Variants in NBAS observed in about 807,000 individuals in gnomAD.
NBAS encodes NBAS subunit of NRZ tethering complex.
NBAS carries 219 observed loss-of-function variants against 302.5 expected under a neutral mutation model. That is an observed-to-expected ratio of 0.72 (90% confidence interval 0.65 to 0.81). The LOEUF (loss-of-function observed/expected upper bound fraction) is 0.81. NBAS is among the 30% of genes least tolerant of loss of function. The pLI, the probability that NBAS is intolerant of heterozygous loss-of-function variation, is 0.00. For synonymous variants in NBAS, 1,118 were observed against 1,021.6 expected (o/e 1.09, Z -1.80); for missense variants, 2,932 against 2,841.6 (o/e 1.03, Z -0.72).
At chr2:15,385,111 T>A (rs1320991135) in intron 28 of NBAS, among the ~76,000 whole-genome samples, 1 of 152,242 alleles carries the variant, frequency 6.6e-6, no homozygotes, top group Non-Finnish European at 1.5e-5. Context: ...CAATTAGGCA[T>A]AAGAGAACAC....
chr2:15,440,254 G>T (rs1287548318), intron 21 of NBAS, among the ~76,000 whole-genome samples: 1 of 152,204 alleles, frequency 6.6e-6, no homozygotes, highest in East Asian at 1.9e-4. Flanking sequence ...CTGGGAGACA[G>T]CCCCCAGTAG....
At chr2:15,239,399 GTGTA>G (rs749891909) in intron 44 of NBAS, among the ~76,000 whole-genome samples, 4,931 of 133,968 alleles carry the variant, frequency 0.037, 134 homozygotes, top group East Asian at 0.13. Flanking sequence ...GTGTGTGTGT[GTGTA>G]TATATATATA....
At chr2:14,819,556 G>A in the NBAS span, among the ~76,000 whole-genome samples, 1 of 152,226 alleles carries the variant, frequency 6.6e-6, no homozygotes, top group Non-Finnish European at 1.5e-5. Context: ...AAGTAAATGA[G>A]AGGATTTCAA....
At chr2:15,470,178 CA>C (rs1679898584) in intron 16 of NBAS, among the ~76,000 whole-genome samples, 1 of 152,020 alleles carries the variant, frequency 6.6e-6, no homozygotes, top group Admixed American at 6.6e-5. Context: ...GCCTCCATAC[CA>C]GTCTAAATCA....
At chr2:15,095,930 T>C in the NBAS span, among the ~76,000 whole-genome samples, 2 of 152,194 alleles carry the variant, frequency 1.3e-5, no homozygotes, top group Non-Finnish European at 2.9e-5. Flanking sequence ...GGGCTGCTCA[T>C]GGCCTGGAGG....
At chr2:15,169,731 T>C (rs1223941929) in intron 51 of NBAS, among the ~76,000 whole-genome samples, 4 of 152,216 alleles carry the variant, frequency 2.6e-5, no homozygotes, top group Non-Finnish European at 4.4e-5. Flanking sequence ...TGTATCCCCA[T>C]GTCCAGAATG....
the NBAS span, among the ~76,000 whole-genome samples, chr2:14,955,391 G>T: frequency 6.6e-6 from 1 of 152,214 alleles, no homozygotes; most frequent in Non-Finnish European, 1.5e-5. Context: ...GCTGTCGGTG[G>T]ATTTACCATT....
At chr2:15,265,558 T>C (rs1669039625) in intron 44 of NBAS, among the ~76,000 whole-genome samples, 1 of 152,166 alleles carries the variant, frequency 6.6e-6, no homozygotes, top group Non-Finnish European at 1.5e-5. Flanking sequence ...TATCTCAAAC[T>C]TCCTTTGGGT....
chr2:15,300,851 C>T (rs1437198178), intron 40 of NBAS, among the ~76,000 whole-genome samples: 1 of 152,126 alleles, frequency 6.6e-6, no homozygotes, highest in Non-Finnish European at 1.5e-5. Flanking sequence ...ACTTGCCTGC[C>T]CACAGCGGGG....
chr2:15,492,091 T>C (rs896599453), intron 11 of NBAS, among the ~76,000 whole-genome samples: 2 of 152,202 alleles, frequency 1.3e-5, no homozygotes, highest in Non-Finnish European at 2.9e-5. Context: ...AACTATCTTA[T>C]TGTAGAAATT....
intron 10 of NBAS, among the ~76,000 whole-genome samples, chr2:15,507,380 T>C (rs749326384): frequency 1.1e-4 from 17 of 149,254 alleles, no homozygotes; most frequent in Non-Finnish European, 1.6e-4. Context: ...CTATGTTCTT[T>C]CCACAACAAG....
At chr2:15,087,741 C>CTGTGCCATTTGAGAGGCGG in the NBAS span, among the ~76,000 whole-genome samples, 1 of 152,240 alleles carries the variant, frequency 6.6e-6, no homozygotes, top group South Asian at 2.1e-4. Flanking sequence ...AGGAGAGAAG[C>CTGTGCCATTTGAGAGGCGG]TGTGCCATTT....
chr2:15,280,766 T>C (rs1236443621), intron 42 of NBAS, among the ~76,000 whole-genome samples: 2 of 152,184 alleles, frequency 1.3e-5, no homozygotes, highest in African/African-American at 2.4e-5. Context: ...ACGTGAATGA[T>C]CATCACTGCT....
the NBAS span, among the ~76,000 whole-genome samples, chr2:15,054,658 C>T: frequency 3.9e-4 from 60 of 152,268 alleles, no homozygotes; most frequent in African/African-American, 1.4e-3. Flanking sequence ...ATCCTTCAGA[C>T]CAACATAGAA....
At chr2:15,169,354 G>T (rs1197490388) in intron 51 of NBAS, among the ~76,000 whole-genome samples, 1 of 152,192 alleles carries the variant, frequency 6.6e-6, no homozygotes, top group African/African-American at 2.4e-5. Context: ...GAAGGGGCAC[G>T]GAGCTTTGAC....
the NBAS span, among the ~76,000 whole-genome samples, chr2:14,842,064 T>G: frequency 6.7e-6 from 1 of 150,112 alleles, no homozygotes. Flanking sequence ...CACAAGGAAA[T>G]TAAACATGTT....
intron 9 of NBAS, among the ~76,000 whole-genome samples, chr2:15,531,274 C>T (rs1349167449): frequency 2.0e-5 from 3 of 152,140 alleles, no homozygotes; most frequent in Admixed American, 1.3e-4. Context: ...GGGAAGCCAT[C>T]TTCTGGATAA....
chr2:15,512,427 A>G (rs563513604), intron 9 of NBAS, among the ~76,000 whole-genome samples: 1 of 152,294 alleles, frequency 6.6e-6, no homozygotes, highest in Non-Finnish European at 1.5e-5. Context: ...CAGGCAACAC[A>G]ATGGCCCCCA....
At chr2:15,014,003 C>T in the NBAS span, among the ~76,000 whole-genome samples, 40 of 151,922 alleles carry the variant, frequency 2.6e-4, no homozygotes, top group African/African-American at 8.5e-4. Context: ...AAAGTAGCTA[C>T]ACTTAAATCA....
Sources: gnomAD v4.1 joint callset for allele counts (sites outside exome capture counted in the v4.1 genomes callset) on GRCh38, gnomAD v4.1.1 for gene constraint, MANE v1.5 for transcripts, NCBI Gene and HGNC (gene_info 2026-07-23, HGNC 2026-07-21) for gene names.